Variants in LARP1B observed in about 807,000 individuals in gnomAD.
The protein encoded by LARP1B is La ribonucleoprotein 1B.
A neutral mutation model predicts 114.2 loss-of-function variants in LARP1B; 76 were observed. The observed-to-expected ratio is 0.67, with a 90% confidence interval of 0.55 to 0.81. The LOEUF (loss-of-function observed/expected upper bound fraction) is 0.81, where lower values mean the gene tolerates loss of function less well. Among genes scored for constraint, LARP1B ranks in the 30% least tolerant of loss-of-function variants. The pLI, the probability that LARP1B is intolerant of heterozygous loss-of-function variation, is 0.00. For missense variants in LARP1B, 1,014 were observed against 1,075.8 expected, an observed-to-expected ratio of 0.94 and a Z score of 0.80; for synonymous variants, 345 against 348.0, an observed-to-expected ratio of 0.99 and a Z score of 0.10.
intron 12 of LARP1B, among the ~76,000 whole-genome samples, chr4:128,164,063 TTA>T (rs1180806524): frequency 6.6e-6 from 1 of 152,134 alleles, no homozygotes; most frequent in Non-Finnish European, 1.5e-5. Context: ...ATTATAGGTT[TTA>T]ATTTTAATTT....
intron 11 of LARP1B, among the ~76,000 whole-genome samples, chr4:128,145,896 A>G (rs1730136202): frequency 1.3e-5 from 2 of 152,246 alleles, no homozygotes; most frequent in South Asian, 4.1e-4. Flanking sequence ...CCAGAAGCAG[A>G]AGACCATACC....
chr4:128,081,836 G>A (rs965062780), intron 4 of LARP1B, among the ~76,000 whole-genome samples: 12 of 152,218 alleles, frequency 7.9e-5, no homozygotes, highest in African/African-American at 2.7e-4. Flanking sequence ...CCAGGCTCAA[G>A]CTATTCTCGT....
At chr4:128,160,789 T>C (rs1738114227) in intron 11 of LARP1B, among the ~76,000 whole-genome samples, 1 of 152,214 alleles carries the variant, frequency 6.6e-6, no homozygotes. Flanking sequence ...TTGATAAATA[T>C]ACATTTTGAT....
At chr4:128,209,759 C>A in intron 19 of LARP1B, 97 bp from the exon 20 acceptor site, 2 of 909,410 alleles carry the variant, frequency 2.2e-6, no homozygotes, top group African/African-American at 3.3e-5. Context: ...CTGAAGTGTC[C>A]ATTTAACTTA....
intron 17 of LARP1B, among the ~76,000 whole-genome samples, chr4:128,205,586 G>A (rs754844122): frequency 3.9e-5 from 6 of 152,148 alleles, no homozygotes; most frequent in African/African-American, 1.4e-4. Flanking sequence ...ACTATTAATT[G>A]TACTTTATAA....
chr4:128,153,539 C>T (rs1733936541), intron 11 of LARP1B, among the ~76,000 whole-genome samples: 1 of 151,982 alleles, frequency 6.6e-6, no homozygotes, highest in African/African-American at 2.4e-5. Flanking sequence ...TTCCTGACCT[C>T]GTGATCCATC....
In LARP1B at chr4:128,120,869, G is replaced by A. The variant is rs1013764920; in HGVS notation, c.1162-957G>A. On this transcript the variant is annotated intron_variant, in intron 10 of 19. Transcript: ENST00000326639. The stretch of plus-strand genomic sequence containing the variant: ...TCTGTCTCCCAGGCTGGAGTCCAGT[G>A]GCGTGATCTCGGCTCACTGCAACCT... Among the ~76,000 whole-genome samples the A allele has an allele frequency of 2.8e-4, 41 of 145,390 alleles. 2 individuals are homozygous for A. The highest frequency in any genetic ancestry group is 8.9e-5 in the Non-Finnish European group (6 of 67,104).
chr4:128,193,070 G>A (rs1752789914), intron 15 of LARP1B, among the ~76,000 whole-genome samples: 2 of 152,142 alleles, frequency 1.3e-5, no homozygotes, highest in South Asian at 4.1e-4. Flanking sequence ...CTGGGCTCAA[G>A]CAATTCTCCT....
chr4:128,172,589 A>T (rs1744205633), intron 12 of LARP1B, among the ~76,000 whole-genome samples: 1 of 152,006 alleles, frequency 6.6e-6, no homozygotes, highest in African/African-American at 2.4e-5. Context: ...GGTACTTGGG[A>T]GGCTGAGGCA....
chr4:128,068,531 C>T lies in LARP1B; in HGVS notation c.-77-5929C>T, dbSNP rs190045006. 3.3e-5 allele frequency among the ~76,000 whole-genome samples: 5 copies of T among 152,156 alleles called. No individual in the cohort carries two copies. The East Asian group carries it at 9.7e-4, about 29-fold the overall frequency. On this transcript the variant is annotated intron_variant, in intron 1 of 19. Transcript: ENST00000326639. ...TTAAATTTAAAAATAGAGACAGTAT[C>T]TTGCCATGTTGCCTAGGCTGGTCTC...
At chr4:128,107,731 A>C in intron 9 of LARP1B, 3 of 1,467,600 alleles carry the variant, frequency 2.0e-6, no homozygotes, top group Non-Finnish European at 2.7e-6. Flanking sequence ...TCTTGGAAAG[A>C]TAAAATGACC....
At chr4:128,186,061 G>T (rs1750232472) in intron 15 of LARP1B, among the ~76,000 whole-genome samples, 1 of 152,120 alleles carries the variant, frequency 6.6e-6, no homozygotes, top group South Asian at 2.1e-4. Flanking sequence ...CCAGTACCAT[G>T]CTACCTTGGT....
intron 11 of LARP1B, among the ~76,000 whole-genome samples, chr4:128,150,760 T>A (rs941755699): frequency 6.6e-6 from 1 of 151,816 alleles, no homozygotes; most frequent in Non-Finnish European, 1.5e-5. Context: ...AAATGTAAAA[T>A]AAAAAAATAA....
intron 9 of LARP1B, chr4:128,107,761 G>C: frequency 6.7e-7 from 1 of 1,500,740 alleles, no homozygotes; most frequent in South Asian, 1.3e-5. Context: ...AATTAGAATT[G>C]GGGTTCTGTT....
At chr4:128,206,792 G>A in intron 18 of LARP1B, 1 of 985,286 alleles carries the variant, frequency 1.0e-6, no homozygotes, top group Non-Finnish European at 1.2e-6. Context: ...TGACAAACGT[G>A]GCTACTCACT....
chr4:128,141,013 A>G (rs1279391243), intron 11 of LARP1B, among the ~76,000 whole-genome samples: 2 of 151,938 alleles, frequency 1.3e-5, no homozygotes, highest in Non-Finnish European at 2.9e-5. Context: ...ATGGAGTTTC[A>G]TCATCTTGGC....
intron 15 of LARP1B, among the ~76,000 whole-genome samples, chr4:128,188,887 T>C (rs1751268039): frequency 6.6e-6 from 1 of 152,240 alleles, no homozygotes; most frequent in African/African-American, 2.4e-5. Flanking sequence ...CTTTTTTAAA[T>C]TTGTTGAGAC....
At chr4:128,132,526 G>A (rs1000560119) in intron 11 of LARP1B, among the ~76,000 whole-genome samples, 1 of 152,110 alleles carries the variant, frequency 6.6e-6, no homozygotes, top group Non-Finnish European at 1.5e-5. Context: ...GATTACAGGG[G>A]TGAGCCACTG....
intron 12 of LARP1B, among the ~76,000 whole-genome samples, chr4:128,176,160 A>AATATATATATTATATATAAAT (rs1745863104): frequency 7.5e-6 from 1 of 132,716 alleles, no homozygotes; most frequent in African/African-American, 2.6e-5. Context: ...TATATATATA[A>AATATATATATTATATATAAAT]ATATATATAT....
Sources: allele counts gnomAD v4.1 joint callset (sites outside exome capture counted in the v4.1 genomes callset), GRCh38; gene constraint gnomAD v4.1.1; transcripts MANE v1.5; gene names NCBI Gene and HGNC (gene_info 2026-07-23, HGNC 2026-07-21).